The following NSD1 variants were observed in gnomAD, a reference collection of about 807,000 sequenced individuals.
The protein encoded by NSD1 is nuclear receptor binding SET domain protein 1, also known as histone-lysine N-methyltransferase, H3 lysine-36 specific.
NSD1 carries 26 observed loss-of-function variants against 242.7 expected under a neutral mutation model. The observed-to-expected ratio is 0.11, with a 90% CI of 0.08 to 0.15. NSD1 has a LOEUF of 0.15. Ranked by LOEUF, NSD1 falls within the 10% of genes least tolerant of loss-of-function variation. NSD1 has a pLI of 1.00. For synonymous variants in NSD1, 1,106 were observed against 1,178.1 expected, an observed-to-expected ratio of 0.94 and a Z score of 1.25; for missense variants, 2,495 against 3,272.8, an observed-to-expected ratio of 0.76 and a Z score of 5.80.
chr5:177,173,217 G>T (rs576858855), intron 2 of NSD1, among the ~76,000 whole-genome samples: 2 of 149,094 alleles, frequency 1.3e-5, no homozygotes, highest in Admixed American at 1.3e-4. Context: ...GCGTGAACCC[G>T]GGAGGCGGAG....
intron 14 of NSD1, chr5:177,266,617 CG>C: frequency 1.7e-6 from 1 of 598,204 alleles, no homozygotes; most frequent in Non-Finnish European, 2.5e-6. Context: ...CTCTTCCGGC[CG>C]CCAAGACCCC....
intron 2 of NSD1, among the ~76,000 whole-genome samples, chr5:177,151,889 C>A (rs935710691): frequency 1.3e-5 from 2 of 151,016 alleles, no homozygotes; most frequent in Non-Finnish European, 3.0e-5. Flanking sequence ...TTGAGACAGT[C>A]TTGCCCCATC....
At chr5:177,164,768 A>G (rs897331451) in intron 2 of NSD1, among the ~76,000 whole-genome samples, 22 of 151,448 alleles carry the variant, frequency 1.5e-4, no homozygotes, top group African/African-American at 5.3e-4. Context: ...ATATGGTGAA[A>G]CTCCATCTCT....
At chr5:177,245,566 A>G (rs1183380806) in intron 9 of NSD1, among the ~76,000 whole-genome samples, 2 of 151,714 alleles carry the variant, frequency 1.3e-5, no homozygotes, top group African/African-American at 4.8e-5. Context: ...ATTCCTCTTT[A>G]TGTTTCTATA....
chr5:177,202,743 T>G (rs1206077472), intron 3 of NSD1, among the ~76,000 whole-genome samples: 1 of 152,166 alleles, frequency 6.6e-6, no homozygotes. Context: ...AACCTCTGTA[T>G]AGGTACACAC....
intron 5 of NSD1, among the ~76,000 whole-genome samples, chr5:177,217,509 C>T (rs1242307295): frequency 2.0e-5 from 3 of 152,076 alleles, no homozygotes; most frequent in Non-Finnish European, 4.4e-5. Flanking sequence ...GAATAGGTTG[C>T]TACAGTGGTA....
At chr5:177,256,825 C>T (rs945046795) in intron 12 of NSD1, 126 bp from the exon 13 acceptor site, 2 of 749,088 alleles carry the variant, frequency 2.7e-6, no homozygotes, top group Non-Finnish European at 4.8e-6. Flanking sequence ...AAGATTGTTA[C>T]AGTGGGTTCA....
intron 2 of NSD1, among the ~76,000 whole-genome samples, chr5:177,177,557 C>G (rs1258824435): frequency 2.0e-5 from 3 of 151,884 alleles, no homozygotes; most frequent in Non-Finnish European, 4.4e-5. Context: ...GCAACAACAA[C>G]AAGGATTGCT....
At chr5:177,152,146 C>T (rs923644569) in intron 2 of NSD1, among the ~76,000 whole-genome samples, 1 of 152,054 alleles carries the variant, frequency 6.6e-6, no homozygotes, top group Non-Finnish European at 1.5e-5. Flanking sequence ...AGGTGTGAGC[C>T]ACTGCACCTG....
rs577798204 is a variant in NSD1, at chr5:177,204,371, C to T, written c.1236+79C>T. ...AAGAAAATGGCCTCTTATTTATTTT[C>T]GAGACAGAACTTTGCTCTGTTTCCC... On this transcript the variant is annotated intron_variant, in intron 4 of 22. Transcript: ENST00000439151. 53 of 1,335,714 alleles carry T rather than the reference C, an allele frequency of 4.0e-5. No individual in the cohort carries two copies. The East Asian group carries it at 4.6e-4, about 12-fold the overall frequency. 82.7% of individuals were successfully genotyped at this position (1,335,714 alleles called of 1,614,324 possible).
At chr5:177,144,937 T>C (rs1219924563) in intron 2 of NSD1, among the ~76,000 whole-genome samples, 1 of 151,822 alleles carries the variant, frequency 6.6e-6, no homozygotes, top group East Asian at 1.9e-4. Context: ...AAAAAAAAAT[T>C]AGCTGGGTGT....
chr5:177,267,453 T>C, intron 14 of NSD1, 109 bp from the exon 15 acceptor site: 1 of 900,528 alleles, frequency 1.1e-6, no homozygotes, highest in East Asian at 2.6e-5. Context: ...TTTTATTTAG[T>C]ATATCTTTTA....
chr5:177,280,952 A>G (rs1758823319), intron 18 of NSD1, 118 bp downstream of exon 18: 1 of 1,157,200 alleles, frequency 8.6e-7, no homozygotes, highest in Admixed American at 2.1e-5. Context: ...AATTAACCTT[A>G]TTGTTGTGTC....
chr5:177,173,857 G>GTCAT (rs1274621692), intron 2 of NSD1, among the ~76,000 whole-genome samples: 1 of 152,212 alleles, frequency 6.6e-6, no homozygotes, highest in Non-Finnish European at 1.5e-5. Flanking sequence ...GAGAACAATA[G>GTCAT]TCATTCATAT....
intron 21 of NSD1, among the ~76,000 whole-genome samples, chr5:177,289,977 G>A (rs946304847): frequency 4.6e-5 from 7 of 151,360 alleles, no homozygotes; most frequent in East Asian, 2.0e-4. Context: ...ACAGGCGCCC[G>A]CCACCATGCC....
At chr5:177,275,220 A>C (rs1758273741) in intron 17 of NSD1, among the ~76,000 whole-genome samples, 1 of 151,958 alleles carries the variant, frequency 6.6e-6, no homozygotes, top group African/African-American at 2.4e-5. Flanking sequence ...GCTAAATCTG[A>C]TAACCCTACC....
intron 12 of NSD1, among the ~76,000 whole-genome samples, chr5:177,255,614 C>A (rs1756370291): frequency 6.6e-6 from 1 of 151,988 alleles, no homozygotes; most frequent in African/African-American, 2.4e-5. Context: ...AGACAGTCTC[C>A]TTCTGTGGCC....
At chr5:177,178,742 A>G (rs1303600784) in intron 2 of NSD1, among the ~76,000 whole-genome samples, 1 of 152,202 alleles carries the variant, frequency 6.6e-6, no homozygotes, top group East Asian at 1.9e-4. Context: ...AAGAACATTA[A>G]AAAGTGCTTT....
intron 18 of NSD1, among the ~76,000 whole-genome samples, chr5:177,282,172 C>A (rs1758942690): frequency 6.6e-6 from 1 of 152,104 alleles, no homozygotes; most frequent in African/African-American, 2.4e-5. Context: ...AGAGATTGGC[C>A]ATCCATCTCT....
Sources: gnomAD v4.1 joint callset for allele counts (sites outside exome capture counted in the v4.1 genomes callset) on GRCh38, gnomAD v4.1.1 for gene constraint, MANE v1.5 for transcripts, NCBI Gene and HGNC (gene_info 2026-07-23, HGNC 2026-07-21) for gene names.